Variants in ZNF335 observed in about 807,000 individuals in gnomAD.
The protein encoded by ZNF335 is NRC-interacting factor 1.
ZNF335 carries 84 observed loss-of-function variants against 145.6 expected under a neutral mutation model. The ratio of observed to expected loss-of-function variants is 0.58; its 90% CI spans 0.48 to 0.69. The LOEUF (loss-of-function observed/expected upper bound fraction) is 0.69, where lower values mean the gene tolerates loss of function less well. ZNF335 is among the 30% of genes least tolerant of loss of function. The probability of loss-of-function intolerance (pLI) is 0.00; values close to 1 mark genes in which losing one functional copy is unlikely to be tolerated. For synonymous variants in ZNF335, 761 were observed against 717.0 expected (o/e 1.06, Z -0.98); for missense variants, 1,865 against 1,809.7 (o/e 1.03, Z -0.55).
intron 9 of ZNF335, among the ~76,000 whole-genome samples, chr20:45,962,604 A>C (rs1439491226): frequency 6.6e-6 from 1 of 152,086 alleles, no homozygotes; most frequent in African/African-American, 2.4e-5. Context: ...CCGTGCCCGG[A>C]AGTACCCTCT....
chr20:45,960,819 A>G (rs746307995), intron 11 of ZNF335, 45 bp downstream of exon 11: 16 of 1,613,784 alleles, frequency 9.9e-6, no homozygotes, highest in Non-Finnish European at 1.3e-5. Flanking sequence ...CCCCATAAAC[A>G]ACCCCCGGGC....
At position 45,953,746 on chromosome 20, in the gene ZNF335, CTG is replaced by C; in HGVS notation, c.2643_2644del (p.Tyr881Ter). On this transcript the variant is annotated stop_gained and frameshift_variant, in exon 18 of 28. Transcript: ENST00000322927. LOFTEE classifies it high-confidence loss of function. The stretch of plus-strand genomic sequence containing the variant: ...CTCCATAGGGGGTGCTGTGATGACA[CTG>C]TAGCCAGTCCCACCAAATGGACCAG... 6.2e-7 allele frequency: 1 copy of C among 1,614,138 alleles called. No individual in the cohort carries two copies. Among genetic ancestry groups the C allele is most frequent in the South Asian group, 1.1e-5 (1 of 91,090 alleles).
rs1178989122 is a variant in ZNF335, at chr20:45,963,556, C to T, written c.1450G>A (p.Val484Ile). Residue 484 changes from valine to isoleucine, a missense_variant, in exon 9 of 28, where the codon GTC becomes ATC. Physicochemically the swap from Val to Ile is conservative, Grantham distance 29 (BLOSUM62 3). Transcript: ENST00000322927. ...GGATCGCCAGCCTCATGGGAGTTGA[C>T]GTGGAAGCGCAGGTCCTCGTGGGAC... is the stretch of plus-strand genomic sequence containing the variant. Reference protein sequence around the residue: ...FLSHEDLRFHVNSHEAGDPQL... With the variant: ...FLSHEDLRFHINSHEAGDPQL... The T allele has an allele frequency of 5.6e-6, 9 of 1,614,066 alleles. No homozygotes were observed. Among genetic ancestry groups the T allele is most frequent in the African/African-American group, 2.7e-5 (2 of 74,924 alleles).
intron 1 of ZNF335, 166 bp from the exon 2 acceptor site, chr20:45,971,626 G>C (rs1463378747): frequency 3.0e-6 from 3 of 985,368 alleles, no homozygotes; most frequent in Admixed American, 6.1e-5. Context: ...GGAAAAACTT[G>C]ACGGAGAAGC....
chr20:45,952,009 C>T (rs930885285), intron 20 of ZNF335, 138 bp downstream of exon 20: 10 of 1,267,210 alleles, frequency 7.9e-6, no homozygotes, highest in South Asian at 1.7e-5. Context: ...TGGGACCTTG[C>T]GGAGTCATCT....
chr20:45,952,032 A>G, intron 20 of ZNF335, 115 bp downstream of exon 20: 5 of 1,407,090 alleles, frequency 3.6e-6, no homozygotes, highest in Non-Finnish European at 4.7e-6. Flanking sequence ...GACCCATCTC[A>G]TCCACTCAGA....
rs368598873 is a variant in ZNF335, at chr20:45,950,177, A to G, written c.3487+42T>C. 1.5e-5 allele frequency: 24 copies of G among 1,571,892 alleles called. No individual in the cohort carries two copies. In the African/African-American group the frequency reaches 2.8e-4, roughly 19 times the overall value. On this transcript the variant is annotated intron_variant, in intron 22 of 27. Transcript: ENST00000322927. ...TTGGGGCAGTGGCCCAAGTCTCTGG[A>G]TCTACCCTGTTGCCCACCCTGTGGC... is the stretch of plus-strand genomic sequence containing the variant.
chr20:45,959,956 C>T (rs1320630221), intron 14 of ZNF335, among the ~76,000 whole-genome samples: 1 of 152,222 alleles, frequency 6.6e-6, no homozygotes, highest in Non-Finnish European at 1.5e-5. Flanking sequence ...TCCCCCATTT[C>T]ATAAATATGG....
At chr20:45,967,462 G>C (rs1331172351) in intron 6 of ZNF335, 32 bp downstream of exon 6, 1 of 1,613,834 alleles carries the variant, frequency 6.2e-7, no homozygotes, top group Non-Finnish European at 8.5e-7. Flanking sequence ...ATGGGCATAG[G>C]GATGGCAGGC....
Position 45,953,964 on chromosome 20 carries a change from G to A in ZNF335, c.2443-16C>T, listed in dbSNP as rs368355167. ...CCACAGCCACCTGCAACGGCACCAG[G>A]GGGCGGGATGGGAGGCACTGGTGGC... On this transcript the variant is annotated splice_polypyrimidine_tract_variant and intron_variant, in intron 17 of 27. Coordinates refer to ENST00000322927, the MANE Select transcript of ZNF335 (RefSeq NM_022095.4). 1.9e-6 allele frequency: 3 copies of A among 1,563,582 alleles called. No homozygotes were observed. Among genetic ancestry groups the A allele is most frequent in the Non-Finnish European group, 2.6e-6 (3 of 1,152,386 alleles).
Position 45,965,675 on chromosome 20 carries a change from C to G in ZNF335, c.1055G>C (p.Gly352Ala). Residue 352 changes from glycine (G) to alanine (A), a missense_variant, in exon 7 of 28, where the codon GGC becomes GCC. Transcript: ENST00000322927. The part of the protein sequence containing the change: ...PSTPRPRRRP[G>A]RPRKLPRLEI... ...CAGGCGGGGCAGCTTCCGGGGCCGG[C>G]CAGGTCTCCTTCGGGGCCTTGGGGT... is the stretch of plus-strand genomic sequence containing the variant. The G allele has an allele frequency of 1.3e-6, 2 of 1,599,498 alleles. No individual in the cohort carries two copies. The highest frequency in any genetic ancestry group is 4.6e-5 in the East Asian group (2 of 43,398).
chr20:45,949,262 G>A lies in ZNF335; in HGVS notation c.3820-11C>T, dbSNP rs191147826. ...AGGCACATACTGGATCTGGAGGGGA[G>A]AAGCTGATAAGATGCTGGCCTGGAG... On this transcript the variant is annotated splice_polypyrimidine_tract_variant and intron_variant, in intron 26 of 27. Transcript: ENST00000322927. 3.5e-4 allele frequency: 559 copies of A among 1,613,894 alleles called. 4 individuals carry two copies. In the African/African-American group the frequency reaches 6.8e-3, roughly 20 times the overall value.
At chr20:45,956,013 C>T (rs761250130) in intron 17 of ZNF335, among the ~76,000 whole-genome samples, 3 of 152,022 alleles carry the variant, frequency 2.0e-5, no homozygotes, top group African/African-American at 4.8e-5. Context: ...CTGGCCAGGC[C>T]GTGCATCACA....
At chr20:45,957,735 C>T (rs1173667377) in intron 16 of ZNF335, 55 bp from the exon 17 acceptor site, 1 of 1,605,356 alleles carries the variant, frequency 6.2e-7, no homozygotes, top group East Asian at 2.2e-5. Flanking sequence ...GCACCCAATA[C>T]CACCCCCTCC....
chr20:45,969,982 C>T (rs914953234), intron 2 of ZNF335: 11 of 316,914 alleles, frequency 3.5e-5, no homozygotes, highest in Non-Finnish European at 4.1e-5. Context: ...TTGCATAAAT[C>T]GTTCCCTCTG....
rs3746509 is a variant in ZNF335 at position 45,959,602 on chromosome 20, T to C, written c.2021-169A>G. Among the ~76,000 whole-genome samples, 25,394 of 152,100 alleles carry C rather than the reference T, an allele frequency of 0.17. 2,570 individuals are homozygous for C. The highest frequency in any genetic ancestry group is 0.35 in the East Asian group (1,784 of 5,154). ...CCATTCTGGTGGCCCAGGACAGAAA[T>C]GAATCAGGGCCGCCCTCTGCACTCA... is the stretch of plus-strand genomic sequence containing the variant. On this transcript the variant is annotated intron_variant, in intron 14 of 27. Transcript: ENST00000322927.
chr20:45,968,122 A>G (rs1306742137), intron 4 of ZNF335, 95 bp from the exon 5 acceptor site: 2 of 1,554,132 alleles, frequency 1.3e-6, no homozygotes, highest in South Asian at 1.2e-5. Flanking sequence ...CAGGGAGTGC[A>G]GAACCAAATT....
At chr20:45,949,711 G>T (rs2083592558) in intron 24 of ZNF335, 89 bp downstream of exon 24, 17 of 1,523,364 alleles carry the variant, frequency 1.1e-5, no homozygotes, top group Non-Finnish European at 1.5e-5. Context: ...CAGGAGGGGT[G>T]GTTTGGAAAG....
intron 20 of ZNF335, 131 bp downstream of exon 20, chr20:45,952,016 A>C: frequency 7.5e-7 from 1 of 1,329,836 alleles, no homozygotes. Flanking sequence ...TTGCGGAGTC[A>C]TCTCTGACCC....
Sources: gnomAD v4.1 joint callset for allele counts (sites outside exome capture counted in the v4.1 genomes callset) on GRCh38, gnomAD v4.1.1 for gene constraint, MANE v1.5 for transcripts, NCBI Gene and HGNC (gene_info 2026-07-23, HGNC 2026-07-21) for gene names.